The following PISD variants were observed in gnomAD, a reference collection of about 807,000 sequenced individuals.
The protein encoded by PISD is phosphatidylserine decarboxylase proenzyme, mitochondrial.
PISD carries 31 observed loss-of-function variants against 43.5 expected under a neutral mutation model. The observed-to-expected ratio is 0.71, with a 90% CI of 0.54 to 0.96. The LOEUF (loss-of-function observed/expected upper bound fraction) is 0.96, where lower values mean the gene tolerates loss of function less well. Ranked by LOEUF, PISD falls within the 40% of genes least tolerant of loss-of-function variation. The probability of loss-of-function intolerance (pLI) is 0.00; values close to 1 mark genes in which losing one functional copy is unlikely to be tolerated. For missense variants in PISD, 523 were observed against 548.4 expected (o/e 0.95, Z 0.46); for synonymous variants, 259 against 228.7 (o/e 1.13, Z -1.20).
At chr22:31,662,387 G>GAACT, upstream of PISD, 3 of 631,232 alleles carry the variant, frequency 4.8e-6, no homozygotes, top group Non-Finnish European at 8.5e-6. Flanking sequence ...GGAGGTAGGG[G>GAACT]AACTAGTGGA....
chr22:31,658,148 C>G (rs970873338), intron 1 of PISD, among the ~76,000 whole-genome samples: 3 of 152,192 alleles, frequency 2.0e-5, no homozygotes, highest in African/African-American at 7.2e-5. Flanking sequence ...TCAATAGTGA[C>G]AGTATGCCCC....
Position 31,648,259 on chromosome 22 carries a change from T to TC in PISD, c.162_163insG (p.Thr55AspfsTer30), listed in dbSNP as rs769868416. ...AGGAACATGGTTCGGGCAGGGGCAGTGTGGATTTTTCTGGCATCTGTAATA... is the reference window on the plus strand; with the variant it reads ...AGGAACATGGTTCGGGCAGGGGCAGTCGTGGATTTTTCTGGCATCTGTAATA... On this transcript the variant is annotated frameshift_variant, in exon 3 of 8. Coordinates refer to ENST00000439502, the MANE Select transcript of PISD (RefSeq NM_001326411.2). LOFTEE classifies it high-confidence loss of function. 73 of 1,608,582 alleles carry TC rather than the reference T, an allele frequency of 4.5e-5. No individual in the cohort carries two copies. The South Asian group carries it at 7.6e-4, about 17-fold the overall frequency.
At chr22:31,624,530 A>G (rs754330891) in intron 3 of PISD, among the ~76,000 whole-genome samples, 2 of 152,008 alleles carry the variant, frequency 1.3e-5, no homozygotes, top group Non-Finnish European at 2.9e-5. Context: ...CTACGGCTCC[A>G]TCCATCTGCA....
chr22:31,632,167 C>A, intron 3 of PISD: 1 of 906,742 alleles, frequency 1.1e-6, no homozygotes, highest in Non-Finnish European at 1.3e-6. Flanking sequence ...CAGCCCCATA[C>A]ACCTGTCGTC....
Position 31,621,364 on chromosome 22 carries a change from T to TA in PISD, c.666dup (p.Met223TyrfsTer15). 6.2e-7 allele frequency: 1 copy of TA among 1,614,022 alleles called. No individual in the cohort carries two copies. The highest frequency in any genetic ancestry group is 8.5e-7 in the Non-Finnish European group (1 of 1,180,004). ...GGGAAGGGCAGGTCCTCTGTGCACA[T>TA]ACGCGGGCCCAGGAACGACTCCAGG... On this transcript the variant is annotated frameshift_variant, in exon 5 of 8. Coordinates refer to ENST00000439502, the MANE Select transcript of PISD (RefSeq NM_001326411.2). LOFTEE classifies it high-confidence loss of function.
chr22:31,661,795 C>T (rs1019709387), intron 1 of PISD, among the ~76,000 whole-genome samples: 2 of 152,176 alleles, frequency 1.3e-5, no homozygotes, highest in Non-Finnish European at 2.9e-5. Context: ...CACAGGACAT[C>T]ATTCCTTCTA....
At chr22:31,638,712 C>G in intron 3 of PISD, 2 of 747,642 alleles carry the variant, frequency 2.7e-6, no homozygotes, top group Non-Finnish European at 3.3e-6. Flanking sequence ...CTCTCAAACT[C>G]CTGGGCTCAA....
chr22:31,656,989 T>C (rs1330404582), intron 1 of PISD, among the ~76,000 whole-genome samples: 1 of 152,156 alleles, frequency 6.6e-6, no homozygotes, highest in African/African-American at 2.4e-5. Flanking sequence ...TTTTTCTGGG[T>C]ATGTAGTAGG....
chr22:31,628,591 T>C (rs1182873648), intron 3 of PISD, among the ~76,000 whole-genome samples: 1 of 152,218 alleles, frequency 6.6e-6, no homozygotes. Flanking sequence ...TCAGAGGGCT[T>C]TGTGGCTGAT....
intron 3 of PISD, among the ~76,000 whole-genome samples, chr22:31,634,834 C>CAAAA (rs33999998): frequency 4.9e-5 from 4 of 81,064 alleles, no homozygotes; most frequent in Non-Finnish European, 6.7e-5. Context: ...GACTCCATCT[C>CAAAA]AAAAAAAAAA....
intron 1 of PISD, among the ~76,000 whole-genome samples, chr22:31,653,119 T>C (rs1045781624): frequency 6.6e-6 from 1 of 150,432 alleles, no homozygotes; most frequent in African/African-American, 2.5e-5. Context: ...GATTCTCCTA[T>C]AGGCAAACAA....
chr22:31,620,647 C>T lies in PISD; in HGVS notation c.911G>A (p.Arg304Gln), dbSNP rs766365481. Reference protein sequence around the residue: ...WIKELFCHNERVVLTGDWKHG... With the variant: ...WIKELFCHNEQVVLTGDWKHG... ...TTTCCAGTCCCCCGTCAGGACCACC[C>T]GCTCGTTATGGCAGAAGAGCTCTTT... Residue 304 changes from arginine (R) to glutamine (Q), a missense_variant, in exon 7 of 8, where the codon CGG becomes CAG. Transcript: ENST00000439502. 9 of 1,614,200 alleles carry T rather than the reference C, an allele frequency of 5.6e-6. No homozygotes were observed. Among genetic ancestry groups the T allele is most frequent in the African/African-American group, 1.3e-5 (1 of 75,040 alleles).
At chr22:31,641,201 T>G (rs1340265919) in intron 3 of PISD, among the ~76,000 whole-genome samples, 2 of 152,098 alleles carry the variant, frequency 1.3e-5, no homozygotes, top group Non-Finnish European at 2.9e-5. Flanking sequence ...AAAATCAGCA[T>G]ATGATTTTTT....
chr22:31,647,977 T>C (rs1220086679), intron 3 of PISD, 124 bp downstream of exon 3: 3 of 832,614 alleles, frequency 3.6e-6, no homozygotes, highest in African/African-American at 1.7e-5. Context: ...CAAAACCTAC[T>C]GGAGACATGA....
At chr22:31,646,272 C>A (rs889342917) in intron 3 of PISD, among the ~76,000 whole-genome samples, 1 of 152,126 alleles carries the variant, frequency 6.6e-6, no homozygotes, top group African/African-American at 2.4e-5. Flanking sequence ...GTTCTGTGAC[C>A]ATTTTATTCA....
In PISD at chr22:31,639,784, CCT is replaced by C. The variant is rs1344172176; in HGVS notation, c.321+8315_321+8316del. 7.2e-5 allele frequency among the ~76,000 whole-genome samples: 11 copies of C among 152,220 alleles called. No homozygotes were observed. The East Asian group carries it at 1.9e-3, about 27-fold the overall frequency. On this transcript the variant is annotated intron_variant, in intron 3 of 7. Transcript: ENST00000439502. ...AGATCTGTACCTGGTAGCCACCCAC[CCT>C]CTGTCTGTGCTCACTCACCGCGGCT...
At chr22:31,633,511 C>T (rs552604404) in intron 3 of PISD, among the ~76,000 whole-genome samples, 11 of 152,064 alleles carry the variant, frequency 7.2e-5, no homozygotes, top group Admixed American at 3.3e-4. Context: ...GTCAGGAGAT[C>T]GAGACCATCC....
At chr22:31,641,874 A>C (rs1046522457) in intron 3 of PISD, among the ~76,000 whole-genome samples, 11 of 150,958 alleles carry the variant, frequency 7.3e-5, no homozygotes, top group Non-Finnish European at 1.5e-5. Context: ...ATTTCTGGAA[A>C]TTTACATTTA....
chr22:31,623,786 G>A (rs137966413), intron 3 of PISD: 165 of 1,614,114 alleles, frequency 1.0e-4, no homozygotes, highest in African/African-American at 5.5e-4. Flanking sequence ...GTTTCAGAGC[G>A]GGTCTGGACA....
Sources: allele counts gnomAD v4.1 joint callset (sites outside exome capture counted in the v4.1 genomes callset), GRCh38; gene constraint gnomAD v4.1.1; transcripts MANE v1.5; gene names NCBI Gene and HGNC (gene_info 2026-07-23, HGNC 2026-07-21).